Variants in ZNF385D observed in about 807,000 individuals in gnomAD.
ZNF385D encodes zinc finger protein 385D.
Under a neutral mutation model 35.8 loss-of-function variants are expected in ZNF385D, and 15 were observed. The ratio of observed to expected loss-of-function variants is 0.42; its 90% CI spans 0.28 to 0.64. The LOEUF (loss-of-function observed/expected upper bound fraction) is 0.64, where lower values mean the gene tolerates loss of function less well. Among genes scored for constraint, ZNF385D ranks in the 30% least tolerant of loss-of-function variants. The probability of loss-of-function intolerance (pLI) is 0.23; values close to 1 mark genes in which losing one functional copy is unlikely to be tolerated. For missense variants in ZNF385D, 474 were observed against 494.6 expected (o/e 0.96, Z 0.39); for synonymous variants, 212 against 186.8 (o/e 1.13, Z -1.10).
At chr3:21,567,555 T>G (rs1346588009) in intron 2 of ZNF385D, among the ~76,000 whole-genome samples, 1 of 152,014 alleles carries the variant, frequency 6.6e-6, no homozygotes, top group Non-Finnish European at 1.5e-5. Flanking sequence ...TAATTTTCCC[T>G]TCAGCCACCA....
intron 3 of ZNF385D, among the ~76,000 whole-genome samples, chr3:22,159,344 A>G (rs1338481633): frequency 2.0e-5 from 3 of 152,102 alleles, no homozygotes; most frequent in Non-Finnish European, 4.4e-5. Flanking sequence ...GGCTTCACTT[A>G]ATTTTCACTT....
At chr3:21,459,321 A>T (rs985386065) in intron 4 of ZNF385D, 1 of 152,074 alleles carries the variant, frequency 6.6e-6, no homozygotes, top group Non-Finnish European at 1.5e-5. Context: ...ATTATTTTTT[A>T]AATTACTAAC....
chr3:21,469,518 G>GT (rs1192944917), intron 4 of ZNF385D, among the ~76,000 whole-genome samples: 2 of 152,078 alleles, frequency 1.3e-5, no homozygotes, highest in African/African-American at 4.8e-5. Context: ...GAAAACAAGT[G>GT]TATTTTTTTC....
chr3:22,138,348 C>T (rs182560055), intron 3 of ZNF385D, among the ~76,000 whole-genome samples: 10 of 152,220 alleles, frequency 6.6e-5, no homozygotes, highest in South Asian at 2.1e-4. Context: ...AAATAGAACC[C>T]GCATTGCCAA....
Position 21,745,371 on chromosome 3 carries a change from A to C in ZNF385D, c.22+5524T>G, listed in dbSNP as rs187770686. On this transcript the variant is annotated intron_variant, in intron 1 of 7. Transcript: ENST00000281523. Reference sequence around the variant, plus strand: ...GGTTCATATGCATTTGAGGTTTTGGAATCAAGAGGGTTTCATGAAAATACC... The same window carrying C: ...GGTTCATATGCATTTGAGGTTTTGGCATCAAGAGGGTTTCATGAAAATACC... Among the ~76,000 whole-genome samples, 5 of 152,350 alleles carry C rather than the reference A, an allele frequency of 3.3e-5. No individual in the cohort carries two copies. The East Asian group carries it at 9.6e-4, about 29-fold the overall frequency.
intron 3 of ZNF385D, among the ~76,000 whole-genome samples, chr3:22,085,616 G>A (rs546491543): frequency 6.6e-6 from 1 of 152,288 alleles, no homozygotes; most frequent in African/African-American, 2.4e-5. Flanking sequence ...TCCAGGACCA[G>A]ACGGATTCAC....
chr3:21,468,436 C>T (rs1575202510), intron 4 of ZNF385D, among the ~76,000 whole-genome samples: 1 of 141,366 alleles, frequency 7.1e-6, no homozygotes, highest in East Asian at 2.1e-4. Context: ...TATATGCAGA[C>T]ATTCAGAGTA....
chr3:22,070,906 T>C (rs1031544004), intron 3 of ZNF385D, among the ~76,000 whole-genome samples: 39 of 152,292 alleles, frequency 2.6e-4, no homozygotes, highest in African/African-American at 8.7e-4. Context: ...ACTTACTACA[T>C]TGAAATATTT....
At chr3:21,745,522 G>C (rs2069726150) in intron 1 of ZNF385D, among the ~76,000 whole-genome samples, 1 of 152,142 alleles carries the variant, frequency 6.6e-6, no homozygotes, top group Non-Finnish European at 1.5e-5. Context: ...CTAGCAATTT[G>C]GTTCAAGCAT....
At position 21,413,683 on chromosome 3, in the gene ZNF385D, T is replaced by C. The variant is rs1405995357; in HGVS notation, c.*7531A>G. Reference sequence around the variant, plus strand: ...AATAGCATGAATATTTTTCCTTTATTTTTTGCAGGGTCACAAGCATGTAGA... The same window carrying C: ...AATAGCATGAATATTTTTCCTTTATCTTTTGCAGGGTCACAAGCATGTAGA... On this transcript the variant is annotated 3_prime_UTR_variant, in exon 8 of 8. Coordinates refer to ENST00000281523, the MANE Select transcript of ZNF385D (RefSeq NM_024697.3). The C allele has an allele frequency of 6.6e-6, 1 of 152,086 alleles. No homozygotes were observed. The highest frequency in any genetic ancestry group is 1.5e-5 in the Non-Finnish European group (1 of 67,990). 9.4% of individuals were successfully genotyped at this position (152,086 alleles called of 1,614,324 possible).
At chr3:22,146,316 G>A (rs984473620) in intron 3 of ZNF385D, among the ~76,000 whole-genome samples, 3 of 152,004 alleles carry the variant, frequency 2.0e-5, no homozygotes, top group Non-Finnish European at 2.9e-5. Context: ...AATTAAGCAC[G>A]CTAAAATTAA....
At chr3:21,751,769 C>T (rs2125558904), upstream of ZNF385D, among the ~76,000 whole-genome samples, 1 of 151,996 alleles carries the variant, frequency 6.6e-6, no homozygotes, top group East Asian at 1.9e-4. Flanking sequence ...TTGAGTGTTC[C>T]CTGAGCTATT....
intron 3 of ZNF385D, among the ~76,000 whole-genome samples, chr3:21,934,202 G>T (rs1338829911): frequency 6.6e-6 from 1 of 151,988 alleles, no homozygotes; most frequent in Non-Finnish European, 1.5e-5. Context: ...ATCTTACTTT[G>T]GAATTCAACT....
chr3:21,823,732 G>C (rs947019967), intron 3 of ZNF385D, among the ~76,000 whole-genome samples: 4 of 152,146 alleles, frequency 2.6e-5, no homozygotes, highest in Non-Finnish European at 2.9e-5. Flanking sequence ...TGTTTCCAAA[G>C]AATACACAGT....
At chr3:21,564,273 C>A (rs1488177762) in intron 3 of ZNF385D, among the ~76,000 whole-genome samples, 1 of 151,960 alleles carries the variant, frequency 6.6e-6, no homozygotes, top group East Asian at 1.9e-4. Context: ...TTTTACTGTT[C>A]CCAAAGGCAA....
chr3:21,771,889 C>T (rs1212477917), intron 3 of ZNF385D, among the ~76,000 whole-genome samples: 3 of 151,862 alleles, frequency 2.0e-5, no homozygotes, highest in African/African-American at 7.3e-5. Context: ...GCATATAAAC[C>T]AATGGAATAG....
At chr3:22,285,501 G>A (rs1022438685) in intron 2 of ZNF385D, among the ~76,000 whole-genome samples, 1 of 151,908 alleles carries the variant, frequency 6.6e-6, no homozygotes, top group Non-Finnish European at 1.5e-5. Flanking sequence ...AATTTTCTAT[G>A]TTGTTTTAAC....
In ZNF385D at chr3:21,714,042, C is replaced by T. The variant is rs574081214; in HGVS notation, c.22+36853G>A. Among the ~76,000 whole-genome samples, 7 of 152,276 alleles carry T rather than the reference C, an allele frequency of 4.6e-5. No homozygotes were observed. In the East Asian group the frequency reaches 1.4e-3, roughly 29 times the overall value. On this transcript the variant is annotated intron_variant, in intron 1 of 7. Transcript: ENST00000281523. The stretch of plus-strand genomic sequence containing the variant: ...CACGCACACATCCTCAACCCTCTAA[C>T]ACTTTATTGGTTCTTTGCTCCCTTG...
At chr3:22,057,659 G>T (rs575844726) in intron 3 of ZNF385D, among the ~76,000 whole-genome samples, 1 of 151,818 alleles carries the variant, frequency 6.6e-6, no homozygotes, top group Non-Finnish European at 1.5e-5. Context: ...ACAGGCAGGC[G>T]CACACCACCA....
Sources: gnomAD v4.1 joint callset for allele counts (sites outside exome capture counted in the v4.1 genomes callset) on GRCh38, gnomAD v4.1.1 for gene constraint, MANE v1.5 for transcripts, NCBI Gene and HGNC (gene_info 2026-07-23, HGNC 2026-07-21) for gene names.